SULT2A1: variants seen among roughly 807,000 people sequenced by gnomAD.
SULT2A1 encodes the protein sulfotransferase 2A1.
A neutral mutation model predicts 33.9 loss-of-function variants in SULT2A1; 43 were observed. The observed-to-expected ratio is 1.27, with a 90% CI of 1.00 to 1.64. The LOEUF (loss-of-function observed/expected upper bound fraction) is 1.64, where lower values mean the gene tolerates loss of function less well. Among genes scored for constraint, SULT2A1 ranks in the 40% most tolerant of loss-of-function variants. The pLI is 0.00. For synonymous variants in SULT2A1, 125 were observed against 113.6 expected (o/e 1.10, Z -0.64); for missense variants, 300 against 335.1 (o/e 0.90, Z 0.82).
At chr19:47,881,013 AC>A (rs1228516230) in intron 3 of SULT2A1, among the ~76,000 whole-genome samples, 1 of 151,904 alleles carries the variant, frequency 6.6e-6, no homozygotes, top group Non-Finnish European at 1.5e-5. Context: ...AGTAAGATAA[AC>A]CCCACGCAGT....
chr19:47,881,327 T>C (rs1324638223), intron 3 of SULT2A1, among the ~76,000 whole-genome samples: 2 of 151,742 alleles, frequency 1.3e-5, no homozygotes, highest in African/African-American at 2.4e-5. Context: ...TGAGCCACCA[T>C]GGCCGGCTAA....
intron 2 of SULT2A1, among the ~76,000 whole-genome samples, chr19:47,883,234 G>A (rs1568640490): frequency 6.6e-6 from 1 of 151,788 alleles, no homozygotes. Flanking sequence ...ATTCAGATTG[G>A]CTAATTATTT....
chr19:47,873,221 T>G lies in SULT2A1; in HGVS notation c.745+1436A>C, dbSNP rs1453564484. Among the ~76,000 whole-genome samples the G allele has an allele frequency of 5.9e-5, 9 of 151,994 alleles. No individual in the cohort carries two copies. In the East Asian group the frequency reaches 1.5e-3, roughly 26 times the overall value. The stretch of plus-strand genomic sequence containing the variant: ...TTCACTCTTGTTGCCCAGGCTGGAG[T>G]GCAAATGGCAGGATCTCGGCTCACT... On this transcript the variant is annotated intron_variant, in intron 5 of 5. Transcript: ENST00000222002.
rs373007848 is a variant in SULT2A1, at chr19:47,886,260, T to A, written c.-3A>T. 4 of 1,613,896 alleles carry A rather than the reference T, an allele frequency of 2.5e-6. No homozygotes were observed. Among genetic ancestry groups the A allele is most frequent in the Non-Finnish European group, 2.5e-6 (3 of 1,179,918 alleles). ...AACCATAAGAAATCGTCCGACATGA[T>A]GATGACCTCTTCCTGCGTGGTGTGA... is the stretch of plus-strand genomic sequence containing the variant. On this transcript the variant is annotated 5_prime_UTR_variant, in exon 1 of 6. Transcript: ENST00000222002.
At chr19:47,880,002 C>T (rs986105378) in intron 3 of SULT2A1, among the ~76,000 whole-genome samples, 8 of 151,596 alleles carry the variant, frequency 5.3e-5, no homozygotes, top group Admixed American at 1.3e-4. Flanking sequence ...TTTGGGAGGC[C>T]GAGGCGGGCG....
intron 1 of SULT2A1, among the ~76,000 whole-genome samples, chr19:47,884,674 A>G (rs1298170674): frequency 1.3e-5 from 2 of 150,856 alleles, no homozygotes; most frequent in Non-Finnish European, 2.9e-5. Context: ...AAAAAATTTT[A>G]TTGTAGAGAT....
intron 5 of SULT2A1, 82 bp from the exon 6 acceptor site, chr19:47,871,649 A>C (rs1037716014): frequency 8.9e-6 from 8 of 898,214 alleles, no homozygotes; most frequent in African/African-American, 3.3e-5. Flanking sequence ...TGGACATTGT[A>C]GCTAACATAG....
chr19:47,874,540 G>GAAAA, intron 5 of SULT2A1, 117 bp downstream of exon 5: 1 of 560,220 alleles, frequency 1.8e-6, no homozygotes, highest in Non-Finnish European at 2.6e-6. Context: ...ACTTCATCTC[G>GAAAA]GAAAAAAAAA....
chr19:47,871,422 A>G lies in SULT2A1; in HGVS notation c.*33T>C, dbSNP rs771248364. 1 of 1,493,836 alleles carries G rather than the reference A, an allele frequency of 6.7e-7. No individual in the cohort carries two copies. The highest frequency in any genetic ancestry group is 1.4e-5 in the African/African-American group (1 of 72,416). 92.5% of individuals were successfully genotyped at this position (1,493,836 alleles called of 1,614,324 possible). A position where few individuals can be genotyped will look rare whatever the true frequency, so the allele number is the denominator to read the frequency against. On this transcript the variant is annotated 3_prime_UTR_variant, in exon 6 of 6. Transcript: ENST00000222002. ...GTACAAGGACAGGAGAATCAATGTC[A>G]TTCTCCATATAAGATCCAGAGTGTT...
intron 5 of SULT2A1, among the ~76,000 whole-genome samples, chr19:47,873,748 C>T (rs796994512): frequency 1.5e-4 from 23 of 150,818 alleles, no homozygotes; most frequent in Admixed American, 3.3e-4. Flanking sequence ...TTCAGCCTCC[C>T]GAGTAGCTGG....
At chr19:47,879,792 G>A (rs62530999) in intron 3 of SULT2A1, among the ~76,000 whole-genome samples, 1 of 118,834 alleles carries the variant, frequency 8.4e-6, no homozygotes, top group Admixed American at 9.8e-5. Context: ...GGCGGGGGGA[G>A]GGGGAGGGAT....
At position 47,874,754 on chromosome 19, in the gene SULT2A1, C is replaced by T. The variant is rs377180978; in HGVS notation, c.648G>A (p.Lys216=). ...CTTTCATGCTCTGAAAGGAGCTGTT[C>T]TTGAGAATTAAGTTCAGTTCTTCGG... ...LEPEELNLIL[K]NSSFQSMKEN... is the part of the protein sequence containing the mutation. Residue 216 remains lysine (K), a synonymous_variant, in exon 5 of 6, where the codon AAG becomes AAA. Coordinates refer to ENST00000222002, the MANE Select transcript of SULT2A1 (RefSeq NM_003167.4). 7 of 1,614,038 alleles carry T rather than the reference C, an allele frequency of 4.3e-6. No homozygotes were observed. The highest frequency in any genetic ancestry group is 1.1e-5 in the South Asian group (1 of 91,078).
rs1391358905 is a variant in SULT2A1 at position 47,883,623 on chromosome 19, A to G, written c.299T>C (p.Leu100Pro). 8 of 1,613,922 alleles carry G rather than the reference A, an allele frequency of 5.0e-6. No homozygotes were observed. The highest frequency in any genetic ancestry group is 6.8e-6 in the Non-Finnish European group (8 of 1,179,966). Residue 100 changes from leucine (L) to proline (P), a missense_variant, in exon 2 of 6, where the codon CTC (leucine) becomes CCC (proline). Leu to Pro is a moderately conservative substitution (Grantham distance 98, BLOSUM62 -3). Coordinates refer to ENST00000222002, the MANE Select transcript of SULT2A1 (RefSeq NM_003167.4). Reference protein sequence around the residue: ...TESPRLFSSHLPIQLFPKSFF... With the variant: ...TESPRLFSSHPPIQLFPKSFF... ...AGACTTGGGGAATAACTGGATGGGG[A>G]GGTGGGAGGAGAATAAACGTGGACT... is the stretch of plus-strand genomic sequence containing the variant.
chr19:47,884,140 C>A (rs549758624), intron 1 of SULT2A1, among the ~76,000 whole-genome samples: 146 of 148,550 alleles, frequency 9.8e-4, no homozygotes, highest in Non-Finnish European at 1.8e-3. Context: ...AAAAAAAGTA[C>A]CATCTCAACC....
Position 47,883,568 on chromosome 19 carries a change from T to A in SULT2A1, c.345+9A>T. On this transcript the variant is annotated intron_variant, in intron 2 of 5. Transcript: ENST00000222002. ...CTGATCAAACACGTCTTAACCATTATGCACTGACCTTGGCCTTGGAACTGA... is the reference window on the plus strand; with the variant it reads ...CTGATCAAACACGTCTTAACCATTAAGCACTGACCTTGGCCTTGGAACTGA... The A allele has an allele frequency of 6.2e-7, 1 of 1,613,516 alleles. No homozygotes were observed. Among genetic ancestry groups the A allele is most frequent in the Non-Finnish European group, 8.5e-7 (1 of 1,179,440 alleles).
At chr19:47,875,156 G>C (rs10420308) in intron 4 of SULT2A1, among the ~76,000 whole-genome samples, 57,695 of 92,176 alleles carry the variant, frequency 0.63, 14,374 homozygotes, top group East Asian at 0.74. Context: ...GTGAGACCTT[G>C]TCAAAAAAAA....
At chr19:47,879,456 A>G (rs888835685) in intron 3 of SULT2A1, among the ~76,000 whole-genome samples, 3 of 152,056 alleles carry the variant, frequency 2.0e-5, no homozygotes, top group African/African-American at 7.2e-5. Context: ...GAAACTCACA[A>G]TCATGGAGGA....
intron 4 of SULT2A1, among the ~76,000 whole-genome samples, chr19:47,876,586 G>A (rs778691739): frequency 1.3e-5 from 2 of 151,852 alleles, no homozygotes; most frequent in Non-Finnish European, 2.9e-5. Context: ...CTTGGTCAAC[G>A]TGGTGAAACC....
At chr19:47,878,161 A>G (rs746942588) in intron 4 of SULT2A1, among the ~76,000 whole-genome samples, 1 of 152,146 alleles carries the variant, frequency 6.6e-6, no homozygotes, top group Non-Finnish European at 1.5e-5. Context: ...CTCTGCCTCA[A>G]TGCATGGAAT....
Sources: allele counts gnomAD v4.1 joint callset (sites outside exome capture counted in the v4.1 genomes callset), GRCh38; gene constraint gnomAD v4.1.1; transcripts MANE v1.5; gene names NCBI Gene and HGNC (gene_info 2026-07-23, HGNC 2026-07-21).